The following SLIT2 variants were observed in gnomAD, a reference collection of about 807,000 sequenced individuals.
SLIT2 encodes slit guidance ligand 2, also known as slit homolog 2 protein.
In SLIT2, 41 loss-of-function variants were observed where a neutral mutation model predicts 185.7. The ratio of observed to expected loss-of-function variants is 0.22; its 90% CI spans 0.17 to 0.29. The LOEUF (loss-of-function observed/expected upper bound fraction) is 0.29. Among genes scored for constraint, SLIT2 ranks in the 10% least tolerant of loss-of-function variants. The pLI, the probability that SLIT2 is intolerant of heterozygous loss-of-function variation, is 1.00. For missense variants in SLIT2, 1,571 were observed against 1,909.0 expected (o/e 0.82, Z 3.30); for synonymous variants, 693 against 680.2 (o/e 1.02, Z -0.29).
chr4:20,522,981 A>G (rs1317114881), intron 12 of SLIT2, among the ~76,000 whole-genome samples: 3 of 152,188 alleles, frequency 2.0e-5, no homozygotes, highest in Admixed American at 2.0e-4. Context: ...TTTAGAAAAT[A>G]GAAATAGATC....
intron 4 of SLIT2, among the ~76,000 whole-genome samples, chr4:20,357,746 G>C (rs1014651991): frequency 3.3e-5 from 5 of 151,906 alleles, no homozygotes; most frequent in African/African-American, 1.2e-4. Flanking sequence ...ATTAGACTTT[G>C]GTCTCCTAAC....
At chr4:20,599,819 T>TG (rs1490422055) in intron 33 of SLIT2, among the ~76,000 whole-genome samples, 1 of 152,178 alleles carries the variant, frequency 6.6e-6, no homozygotes, top group African/African-American at 2.4e-5. Flanking sequence ...TGACATAAAG[T>TG]GGAGACACTG....
At chr4:20,376,119 T>C (rs1191169109) in intron 4 of SLIT2, among the ~76,000 whole-genome samples, 2 of 144,300 alleles carry the variant, frequency 1.4e-5, no homozygotes, top group African/African-American at 5.1e-5. Context: ...GTTTAACTTT[T>C]TTTTTTTTTT....
intron 16 of SLIT2, among the ~76,000 whole-genome samples, chr4:20,530,498 GT>G (rs1560506001): frequency 1.3e-5 from 2 of 151,978 alleles, no homozygotes; most frequent in African/African-American, 4.8e-5. Flanking sequence ...GTCCAGGCTG[GT>G]CTTGAACTCC....
chr4:20,583,085 C>A (rs1263923431), intron 29 of SLIT2, among the ~76,000 whole-genome samples: 1 of 152,200 alleles, frequency 6.6e-6, no homozygotes, highest in Non-Finnish European at 1.5e-5. Context: ...CCGCTGTTAA[C>A]AGTGGGGAAC....
intron 26 of SLIT2, among the ~76,000 whole-genome samples, chr4:20,558,582 C>A (rs545965837): frequency 6.6e-6 from 1 of 151,948 alleles, no homozygotes; most frequent in Non-Finnish European, 1.5e-5. Context: ...CACTTTATTG[C>A]GGTAGTCTGG....
chr4:20,420,621 G>T (rs996618679), intron 4 of SLIT2, among the ~76,000 whole-genome samples: 1 of 151,614 alleles, frequency 6.6e-6, no homozygotes, highest in African/African-American at 2.4e-5. Context: ...GACATTTACA[G>T]AAAAAGAAGT....
chr4:20,282,798 C>G (rs1038689896), intron 4 of SLIT2, among the ~76,000 whole-genome samples: 1 of 152,156 alleles, frequency 6.6e-6, no homozygotes, highest in Non-Finnish European at 1.5e-5. Flanking sequence ...GAGAGCAAAA[C>G]CAGTTTTTAG....
chr4:20,458,178 A>G (rs1456531842), intron 4 of SLIT2, among the ~76,000 whole-genome samples: 1 of 151,972 alleles, frequency 6.6e-6, no homozygotes, highest in Admixed American at 6.6e-5. Flanking sequence ...ACTTAACACC[A>G]GTGAACTGTA....
chr4:20,611,613 A>G lies in SLIT2; in HGVS notation c.3847+1446A>G, dbSNP rs551187676. On this transcript the variant is annotated intron_variant, in intron 34 of 36. Transcript: ENST00000504154. ...AGTCTCATTAAAAACCAAATCTTCC[A>G]TTCTTGCCAGCACTCCAGTTTACAG... Among the ~76,000 whole-genome samples the G allele has an allele frequency of 2.0e-3, 310 of 152,320 alleles. 2 individuals are homozygous for G. Among genetic ancestry groups the G allele is most frequent in the Middle Eastern group, 0.014 (4 of 294 alleles).
At chr4:20,532,486 A>G (rs1223882888) in intron 17 of SLIT2, among the ~76,000 whole-genome samples, 1 of 152,144 alleles carries the variant, frequency 6.6e-6, no homozygotes, top group African/African-American at 2.4e-5. Flanking sequence ...AACTGGCTTG[A>G]TAGCTCATCT....
At chr4:20,336,826 CCA>C (rs1720546420) in intron 4 of SLIT2, among the ~76,000 whole-genome samples, 1 of 152,148 alleles carries the variant, frequency 6.6e-6, no homozygotes, top group African/African-American at 2.4e-5. Flanking sequence ...ACTTTCCTCC[CCA>C]GTCATTACCA....
At chr4:20,520,452 G>A (rs1720741874) in intron 12 of SLIT2, among the ~76,000 whole-genome samples, 1 of 152,154 alleles carries the variant, frequency 6.6e-6, no homozygotes, top group Non-Finnish European at 1.5e-5. Context: ...AGATAATTGT[G>A]TTGTAATTTT....
chr4:20,284,046 C>G (rs1430778419), intron 4 of SLIT2, among the ~76,000 whole-genome samples: 1 of 152,146 alleles, frequency 6.6e-6, no homozygotes, highest in Non-Finnish European at 1.5e-5. Context: ...ACAAGAAATA[C>G]AGGTTGAGTG....
intron 4 of SLIT2, among the ~76,000 whole-genome samples, chr4:20,327,801 C>T (rs1719723010): frequency 6.6e-6 from 1 of 152,168 alleles, no homozygotes; most frequent in Admixed American, 6.6e-5. Context: ...TCATCCATCT[C>T]CTTTGAATTA....
At chr4:20,345,849 T>C (rs542349810) in intron 4 of SLIT2, among the ~76,000 whole-genome samples, 2 of 152,182 alleles carry the variant, frequency 1.3e-5, no homozygotes, top group East Asian at 3.9e-4. Flanking sequence ...TACTTATTTC[T>C]ATGTGACTCT....
At chr4:20,614,315 G>A (rs766681309) in intron 34 of SLIT2, among the ~76,000 whole-genome samples, 17 of 152,244 alleles carry the variant, frequency 1.1e-4, no homozygotes, top group Middle Eastern at 3.4e-3. Context: ...GTCCTGCCAC[G>A]GGACAGAGGA....
chr4:20,434,088 C>G (rs1729173972), intron 4 of SLIT2, among the ~76,000 whole-genome samples: 1 of 152,138 alleles, frequency 6.6e-6, no homozygotes, highest in Non-Finnish European at 1.5e-5. Flanking sequence ...TGTTTCTGAT[C>G]TCCAGGGAAT....
At chr4:20,446,993 A>G (rs931362657) in intron 4 of SLIT2, among the ~76,000 whole-genome samples, 20 of 152,354 alleles carry the variant, frequency 1.3e-4, no homozygotes, top group African/African-American at 4.6e-4. Flanking sequence ...GAAAGGCACA[A>G]TCTAGGAATC....
Sources: gnomAD v4.1 joint callset for allele counts (sites outside exome capture counted in the v4.1 genomes callset) on GRCh38, gnomAD v4.1.1 for gene constraint, MANE v1.5 for transcripts, NCBI Gene and HGNC (gene_info 2026-07-23, HGNC 2026-07-21) for gene names.